Variants in ARID4B observed in about 807,000 individuals in gnomAD.
The protein encoded by ARID4B is AT-rich interaction domain 4B.
Under a neutral mutation model 147.5 loss-of-function variants are expected in ARID4B, and 26 were observed. That is an observed-to-expected ratio of 0.18 (90% CI 0.13 to 0.24). The LOEUF (loss-of-function observed/expected upper bound fraction) is 0.24. Ranked by LOEUF, ARID4B falls within the 10% of genes least tolerant of loss-of-function variation. The probability of loss-of-function intolerance (pLI) is 1.00; values close to 1 mark genes in which losing one functional copy is unlikely to be tolerated. For synonymous variants in ARID4B, 512 were observed against 507.9 expected (o/e 1.01, Z -0.11); for missense variants, 1,179 against 1,511.5 (o/e 0.78, Z 3.65).
At chr1:235,230,931 G>C (rs1572034741) in intron 10 of ARID4B, among the ~76,000 whole-genome samples, 182 bp downstream of exon 10, 1 of 147,414 alleles carries the variant, frequency 6.8e-6, no homozygotes, top group Non-Finnish European at 1.5e-5. Context: ...AAAAAAAAAA[G>C]AAAAGGAAAC....
At chr1:235,211,262 CG>C (rs1299163223) in intron 17 of ARID4B, among the ~76,000 whole-genome samples, 7 of 152,116 alleles carry the variant, frequency 4.6e-5, no homozygotes, top group Admixed American at 3.9e-4. Context: ...ACCCGGGAGG[CG>C]GAGGCTGCGG....
intron 2 of ARID4B, among the ~76,000 whole-genome samples, chr1:235,264,774 T>C (rs1189148099): frequency 6.6e-6 from 1 of 152,202 alleles, no homozygotes; most frequent in Non-Finnish European, 1.5e-5. Context: ...AAACCACATT[T>C]TGGCTGGGCA....
Position 235,196,141 on chromosome 1 carries a change from A to C in ARID4B, c.1842-26T>G, listed in dbSNP as rs540369226. 246 of 1,166,802 alleles carry C rather than the reference A, an allele frequency of 2.1e-4. 1 individual carries two copies. In the South Asian group the frequency reaches 3.2e-3, roughly 15 times the overall value. 72.3% of individuals were successfully genotyped at this position (1,166,802 alleles called of 1,614,324 possible). ...CTAAAATTAAAGGAAATTAATATAAATATGTACAATATATACCACGGAAAT... is the reference window on the plus strand; with the variant it reads ...CTAAAATTAAAGGAAATTAATATAACTATGTACAATATATACCACGGAAAT... On this transcript the variant is annotated intron_variant, in intron 17 of 23. Transcript: ENST00000264183.
chr1:235,264,652 AG>A lies in ARID4B; in HGVS notation c.7-3901del, dbSNP rs199552547. Among the ~76,000 whole-genome samples the A allele has an allele frequency of 2.8e-3, 428 of 152,368 alleles. 1 individual carries two copies. The highest frequency in any genetic ancestry group is 9.9e-3 in the African/African-American group (411 of 41,586). ...ATTGTGATGTCTGAGGTAGTCAGCT[AG>A]GAAGTTATAATTAATATTATGAAAC... On this transcript the variant is annotated intron_variant, in intron 2 of 23. Coordinates refer to ENST00000264183, the MANE Select transcript of ARID4B (RefSeq NM_016374.6).
intron 2 of ARID4B, among the ~76,000 whole-genome samples, chr1:235,262,139 C>T (rs866734397): frequency 1.3e-5 from 2 of 149,838 alleles, no homozygotes; most frequent in Admixed American, 6.6e-5. Context: ...AATGCTGTTA[C>T]GAGTAATAAA....
intron 12 of ARID4B, among the ~76,000 whole-genome samples, 159 bp from the exon 13 acceptor site, chr1:235,223,419 A>ATG (rs1331539059): frequency 9.7e-6 from 1 of 103,318 alleles, no homozygotes; most frequent in African/African-American, 3.2e-5. Flanking sequence ...ATACATATAT[A>ATG]TGTATATATA....
intron 22 of ARID4B, among the ~76,000 whole-genome samples, chr1:235,173,826 C>CATATATAT (rs59203627): frequency 1.2e-5 from 1 of 81,204 alleles, no homozygotes. Context: ...ATACCTAAAA[C>CATATATAT]ATATATATAT....
intron 23 of ARID4B, among the ~76,000 whole-genome samples, 181 bp downstream of exon 23, chr1:235,172,437 G>A (rs372175251): frequency 6.6e-6 from 1 of 152,110 alleles, no homozygotes; most frequent in Non-Finnish European, 1.5e-5. Flanking sequence ...AATTAGCCGG[G>A]CTTGGTGGTG....
At chr1:235,256,720 A>C (rs571442476) in intron 4 of ARID4B, among the ~76,000 whole-genome samples, 1 of 152,306 alleles carries the variant, frequency 6.6e-6, no homozygotes, top group South Asian at 2.1e-4. Context: ...CGTGGAACTG[A>C]CATCACTAAT....
At chr1:235,185,991 G>A (rs982556295) in intron 19 of ARID4B, among the ~76,000 whole-genome samples, 2 of 142,350 alleles carry the variant, frequency 1.4e-5, no homozygotes, top group African/African-American at 2.5e-5. Flanking sequence ...TTTTTTTTGA[G>A]ACTGAGTCTT....
At chr1:235,263,346 T>C (rs1224714269) in intron 2 of ARID4B, among the ~76,000 whole-genome samples, 3 of 152,204 alleles carry the variant, frequency 2.0e-5, no homozygotes, top group Non-Finnish European at 4.4e-5. Flanking sequence ...AAATAGGGTA[T>C]AGAATACTAA....
intron 2 of ARID4B, among the ~76,000 whole-genome samples, chr1:235,290,544 C>T (rs1572165831): frequency 2.0e-5 from 3 of 152,080 alleles, no homozygotes; most frequent in Non-Finnish European, 2.9e-5. Context: ...GTTACCTCAT[C>T]TCAGACCTGT....
At chr1:235,245,382 G>C (rs564620153) in intron 7 of ARID4B, among the ~76,000 whole-genome samples, 13 of 152,028 alleles carry the variant, frequency 8.6e-5, no homozygotes, top group African/African-American at 3.1e-4. Context: ...CACATTTGCA[G>C]GTCAATATTA....
chr1:235,201,155 AAAAT>A lies in ARID4B; in HGVS notation c.1842-5044_1842-5041del, dbSNP rs564961569. Among the ~76,000 whole-genome samples, 11 of 152,258 alleles carry A rather than the reference AAAAT, an allele frequency of 7.2e-5. No homozygotes were observed. In the South Asian group the frequency reaches 1.0e-3, roughly 14 times the overall value. On this transcript the variant is annotated intron_variant, in intron 17 of 23. Coordinates refer to ENST00000264183, the MANE Select transcript of ARID4B (RefSeq NM_016374.6). Reference sequence around the variant, plus strand: ...GCGAGACTCTGTCTCCAAAAAAAATAAAATAAATAAAAATAAAGTAAAACAAAAT... The same window carrying A: ...GCGAGACTCTGTCTCCAAAAAAAATAAAATAAAAATAAAGTAAAACAAAAT...
At chr1:235,292,908 A>G (rs1224712298) in intron 2 of ARID4B, among the ~76,000 whole-genome samples, 1 of 152,222 alleles carries the variant, frequency 6.6e-6, no homozygotes, top group Non-Finnish European at 1.5e-5. Context: ...GCTAAAGTAG[A>G]ACTACATAGT....
chr1:235,294,220 AATTAAATTTT>A (rs1324309593), intron 2 of ARID4B, among the ~76,000 whole-genome samples: 1 of 152,042 alleles, frequency 6.6e-6, no homozygotes, highest in Non-Finnish European at 1.5e-5. Context: ...TGTAAGCATA[AATTAAATTTT>A]AAGTAAAAAC....
At chr1:235,221,797 A>G in intron 13 of ARID4B, 135 bp from the exon 14 acceptor site, 1 of 408,010 alleles carries the variant, frequency 2.5e-6, no homozygotes, top group Non-Finnish European at 4.3e-6. Flanking sequence ...AAAACTTGAT[A>G]AATTCTAAAT....
At chr1:235,259,226 G>A (rs898102740) in intron 3 of ARID4B, among the ~76,000 whole-genome samples, 2 of 152,250 alleles carry the variant, frequency 1.3e-5, no homozygotes, top group Non-Finnish European at 2.9e-5. Context: ...AGAAATGGCA[G>A]GACTGCTACA....
chr1:235,268,456 G>C (rs1442253196), intron 2 of ARID4B, among the ~76,000 whole-genome samples: 1 of 152,032 alleles, frequency 6.6e-6, no homozygotes, highest in South Asian at 2.1e-4. Flanking sequence ...TGTCCAAAAA[G>C]AAAGTACTAA....
Sources: gnomAD v4.1 joint callset for allele counts (sites outside exome capture counted in the v4.1 genomes callset) on GRCh38, gnomAD v4.1.1 for gene constraint, MANE v1.5 for transcripts, NCBI Gene and HGNC (gene_info 2026-07-23, HGNC 2026-07-21) for gene names.